The following LRRC37A2 variants were observed in gnomAD, a reference collection of about 807,000 sequenced individuals.
The protein encoded by LRRC37A2 is leucine-rich repeat-containing protein 37A2.
LRRC37A2 carries 9 observed loss-of-function variants against 68.8 expected under a neutral mutation model. The ratio of observed to expected loss-of-function variants is 0.13; its 90% confidence interval spans 0.08 to 0.23. LRRC37A2 has a LOEUF of 0.23. LRRC37A2 is among the 10% of genes least tolerant of loss of function. The probability of loss-of-function intolerance (pLI) is 1.00; values close to 1 mark genes in which losing one functional copy is unlikely to be tolerated. For missense variants in LRRC37A2, 168 were observed against 950.4 expected, an observed-to-expected ratio of 0.18 and a Z score of 10.82; for synonymous variants, 63 against 367.6, an observed-to-expected ratio of 0.17 and a Z score of 9.48.
At chr17:46,731,476 G>A in the LRRC37A2 span, among the ~76,000 whole-genome samples, 1 of 152,118 alleles carries the variant, frequency 6.6e-6, no homozygotes, top group Non-Finnish European at 1.5e-5. Context: ...CTTTAAATGG[G>A]TAAACTGTGT....
the LRRC37A2 span, among the ~76,000 whole-genome samples, chr17:46,709,199 CTT>C: frequency 1.3e-5 from 2 of 152,160 alleles, no homozygotes; most frequent in Admixed American, 1.3e-4. Context: ...TTAGCCCTGT[CTT>C]TTTATTACTA....
the LRRC37A2 span, chr17:46,964,796 G>T: frequency 6.6e-6 from 1 of 152,160 alleles, no homozygotes; most frequent in Admixed American, 6.5e-5. Context: ...TTGATTAAGG[G>T]CTCCAAAATT....
chr17:46,755,370 G>GTCC, the LRRC37A2 span: 1 of 1,611,626 alleles, frequency 6.2e-7, no homozygotes, highest in Non-Finnish European at 8.5e-7. Flanking sequence ...AAGAAGGAGC[G>GTCC]TAAGTACATA....
At chr17:46,831,057 G>A in the LRRC37A2 span, 1 of 290,008 alleles carries the variant, frequency 3.4e-6, no homozygotes, top group Non-Finnish European at 6.3e-6. Context: ...GCAAATCAAT[G>A]TAAAGAAAAG....
At chr17:46,709,947 G>C in the LRRC37A2 span, among the ~76,000 whole-genome samples, 22,483 of 152,106 alleles carry the variant, frequency 0.15, 1,965 homozygotes, top group Non-Finnish European at 0.2. Context: ...AAGAGACTAC[G>C]TAAAAAGTGG....
At chr17:46,782,690 C>T in the LRRC37A2 span, among the ~76,000 whole-genome samples, 2 of 152,202 alleles carry the variant, frequency 1.3e-5, no homozygotes, top group African/African-American at 4.8e-5. Context: ...TCTGATGCAC[C>T]CAACTACACC....
the LRRC37A2 span, among the ~76,000 whole-genome samples, chr17:46,492,640 G>A: frequency 4.3e-4 from 65 of 149,672 alleles, no homozygotes; most frequent in Admixed American, 1.3e-3. Flanking sequence ...GAAGAGTTCC[G>A]GTTGCTCTGT....
At chr17:46,990,602 C>T in the LRRC37A2 span, among the ~76,000 whole-genome samples, 3 of 152,186 alleles carry the variant, frequency 2.0e-5, no homozygotes, top group Non-Finnish European at 4.4e-5. Flanking sequence ...AAGGTGTTCA[C>T]ACTCATTTGA....
the LRRC37A2 span, among the ~76,000 whole-genome samples, chr17:46,861,348 C>A: frequency 6.6e-6 from 1 of 152,198 alleles, no homozygotes; most frequent in Non-Finnish European, 1.5e-5. Context: ...AGCAGTGCTC[C>A]CTGGTCTGCA....
At chr17:46,541,392 C>T (rs1288873052) in intron 8 of LRRC37A2, among the ~76,000 whole-genome samples, 1 of 148,086 alleles carries the variant, frequency 6.8e-6, no homozygotes, top group Admixed American at 6.6e-5. Flanking sequence ...GCTGGGATTA[C>T]AGGCGCATGC....
the LRRC37A2 span, among the ~76,000 whole-genome samples, chr17:46,986,619 C>G: frequency 6.6e-6 from 1 of 152,222 alleles, no homozygotes; most frequent in South Asian, 2.1e-4. Flanking sequence ...ATGCCAACTC[C>G]TAATGACGGA....
chr17:46,995,820 G>A, the LRRC37A2 span, among the ~76,000 whole-genome samples: 1 of 152,202 alleles, frequency 6.6e-6, no homozygotes, highest in Non-Finnish European at 1.5e-5. Flanking sequence ...AATCCTATCT[G>A]ATACAGTAGG....
the LRRC37A2 span, chr17:46,756,098 G>A: frequency 5.0e-6 from 2 of 402,168 alleles, no homozygotes; most frequent in East Asian, 7.8e-5. Context: ...CCCTCTGGGT[G>A]GGAACCATCC....
the LRRC37A2 span, among the ~76,000 whole-genome samples, chr17:46,772,763 C>T: frequency 2.0e-5 from 3 of 150,780 alleles, no homozygotes; most frequent in South Asian, 6.3e-4. Flanking sequence ...TTGTCAGCTT[C>T]CCCCCCAACC....
chr17:46,783,687 C>T, the LRRC37A2 span, among the ~76,000 whole-genome samples: 4 of 152,160 alleles, frequency 2.6e-5, no homozygotes, highest in Non-Finnish European at 5.9e-5. Flanking sequence ...TCCTCACTGC[C>T]TCTGGAGGGC....
chr17:46,895,386 C>G, the LRRC37A2 span, among the ~76,000 whole-genome samples: 1 of 152,258 alleles, frequency 6.6e-6, no homozygotes, highest in Non-Finnish European at 1.5e-5. Flanking sequence ...CAAATCCTAA[C>G]TTCCCCATTT....
the LRRC37A2 span, chr17:46,955,438 T>C: frequency 6.6e-6 from 1 of 152,176 alleles, no homozygotes; most frequent in Non-Finnish European, 1.5e-5. Context: ...TTGAGGATTT[T>C]TGCATCAATG....
the LRRC37A2 span, among the ~76,000 whole-genome samples, chr17:46,711,381 A>G: frequency 6.6e-6 from 1 of 152,226 alleles, no homozygotes; most frequent in Admixed American, 6.5e-5. Flanking sequence ...ACACTGAATG[A>G]TGCCACTTAG....
chr17:46,720,426 G>C, the LRRC37A2 span, among the ~76,000 whole-genome samples: 1 of 152,098 alleles, frequency 6.6e-6, no homozygotes, highest in African/African-American at 2.4e-5. Flanking sequence ...GAAAATGTAA[G>C]ATTTTTTCCT....
Sources: gnomAD v4.1 joint callset for allele counts (sites outside exome capture counted in the v4.1 genomes callset) on GRCh38, gnomAD v4.1.1 for gene constraint, MANE v1.5 for transcripts, NCBI Gene and HGNC (gene_info 2026-07-23, HGNC 2026-07-21) for gene names.